The following TRPM5 variants were observed in gnomAD, a reference collection of about 807,000 sequenced individuals.
The protein encoded by TRPM5 is MLSN1 and TRP-related.
Under a neutral mutation model 124.9 loss-of-function variants are expected in TRPM5, and 121 were observed. That is an observed-to-expected ratio of 0.97 (90% CI 0.84 to 1.13). The LOEUF (loss-of-function observed/expected upper bound fraction) is 1.13. Among genes scored for constraint, TRPM5 ranks in the 50% most tolerant of loss-of-function variants. The pLI is 0.00. For missense variants in TRPM5, 1,643 were observed against 1,589.1 expected, an observed-to-expected ratio of 1.03 and a Z score of -0.58; for synonymous variants, 781 against 700.5, an observed-to-expected ratio of 1.11 and a Z score of -1.81.
chr11:2,439,499 G>A, the TRPM5 span, among the ~76,000 whole-genome samples: 28,640 of 152,016 alleles, frequency 0.19, 3,643 homozygotes, highest in African/African-American at 0.34. Context: ...AAATAACCCC[G>A]TAAAAATTGC....
intron 15 of TRPM5, 121 bp from the exon 21 acceptor site, chr11:2,412,374 A>G (rs2133512755): frequency 3.4e-4 from 189 of 549,686 alleles, no homozygotes; most frequent in Non-Finnish European, 4.8e-4. Context: ...GGCCGAGGCT[A>G]CCAGTGGGAC....
chr11:2,441,783 G>A, the TRPM5 span, among the ~76,000 whole-genome samples: 10 of 151,990 alleles, frequency 6.6e-5, no homozygotes, highest in South Asian at 2.1e-4. The surrounding 1 kb of genome is among the most constrained non-coding windows in gnomAD (Gnocchi z 7.2). Context: ...TCTGCCTCCC[G>A]GGTCCAAGTG....
intron 4 of TRPM5, among the ~76,000 whole-genome samples, chr11:2,419,448 GAAA>G (rs57385993): frequency 2.9e-5 from 4 of 137,434 alleles, no homozygotes; most frequent in Non-Finnish European, 4.7e-5. Flanking sequence ...TCTCTACTGG[GAAA>G]AAAAAAAAAA....
At chr11:2,404,737 CT>C (rs1850277860) in exon 24 of TRPM5, 2 of 564,954 alleles carry the variant, frequency 3.5e-6, no homozygotes, top group Non-Finnish European at 6.3e-6. Context: ...CATGACACTG[CT>C]GTGCCTCCGG....
chr11:2,405,559 G>C lies in TRPM5; in HGVS notation c.3359C>G (p.Ala1120Gly). 2.6e-6 allele frequency: 4 copies of C among 1,566,194 alleles called. No homozygotes were observed. The South Asian group carries it at 4.7e-5, about 18-fold the overall frequency. Residue 1120 changes from alanine to glycine, a missense_variant, in exon 23 of 24, where the codon GCT becomes GGT. Ala to Gly is a moderately conservative substitution (Grantham distance 60). Transcript: ENST00000155858. The stretch of plus-strand genomic sequence containing the variant: ...GCCGCCACCCTGGGCCAGCACGTCA[G>C]CCACGGAGGACACGAGCACCGAGCA...
At position 2,418,373 on chromosome 11, in the gene TRPM5, G is replaced by A. The variant is rs1007654168; in HGVS notation, c.715-15C>T. 4 of 1,542,698 alleles carry A rather than the reference G, an allele frequency of 2.6e-6. No individual in the cohort carries two copies. The highest frequency in any genetic ancestry group is 1.7e-4 in the Middle Eastern group (1 of 5,744). ...CTGGAGATCCTCTGAGACGGGGAGG[G>A]AGGGGAGAGCGGACCCCAGATTAGC... On this transcript the variant is annotated splice_polypyrimidine_tract_variant and intron_variant, in intron 5 of 23. Transcript: ENST00000155858.
At chr11:2,420,945 T>G in intron 3 of TRPM5, 87 bp downstream of exon 8, 1 of 1,389,484 alleles carries the variant, frequency 7.2e-7, no homozygotes, top group Non-Finnish European at 9.5e-7. Flanking sequence ...AGTCCTGTCC[T>G]CCCAGAGCTC....
At position 2,411,852 on chromosome 11, in the gene TRPM5, C is replaced by T. The variant is rs144101059; in HGVS notation, c.2475-85G>A. The T allele has an allele frequency of 4.6e-4, 701 of 1,526,640 alleles. 6 individuals are homozygous for T. The African/African-American group carries it at 8.6e-3, about 19-fold the overall frequency. The allele number at this position is 1,526,640 out of a possible 1,614,324, so 94.6% of individuals were successfully genotyped here. On this transcript the variant is annotated intron_variant, in intron 16 of 23. Coordinates refer to ENST00000155858, the Ensembl canonical transcript of TRPM5. ...GGGCACACAGCATGCTGGCTGCGGG[C>T]AGGGCCAGGGCCAGGCCAGGACTCC...
exon 24 of TRPM5, chr11:2,404,718 A>G: frequency 1.9e-6 from 1 of 539,080 alleles, no homozygotes; most frequent in Non-Finnish European, 3.3e-6. Context: ...CTGTCAGGGG[A>G]GACAGCCCCA....
At chr11:2,410,602 C>A (rs1225292482) in intron 18 of TRPM5, 1 of 438,094 alleles carries the variant, frequency 2.3e-6, no homozygotes, top group Non-Finnish European at 4.6e-6. Flanking sequence ...TGCCCCACCC[C>A]AGAGCTCCCC....
chr11:2,404,883 G>A lies in TRPM5; in HGVS notation c.*54C>T, dbSNP rs543766294. 1.1e-4 allele frequency: 157 copies of A among 1,494,498 alleles called. No individual in the cohort carries two copies. In the East Asian group the frequency reaches 2.2e-3, roughly 20 times the overall value. The allele number at this position is 1,494,498 out of a possible 1,614,324, so 92.6% of individuals were successfully genotyped here. Reference sequence around the variant, plus strand: ...AGGTCGGCAAAGGTCAGTGCACAACGTGCAGGGTGGCCAGCTGAGGAGAGG... The same window carrying A: ...AGGTCGGCAAAGGTCAGTGCACAACATGCAGGGTGGCCAGCTGAGGAGAGG... On this transcript the variant is annotated 3_prime_UTR_variant, in exon 24 of 24. Coordinates refer to ENST00000155858, the Ensembl canonical transcript of TRPM5.
exon 9 of TRPM5, chr11:2,415,217 G>A (rs1327737225): frequency 1.9e-6 from 3 of 1,578,138 alleles, no homozygotes; most frequent in African/African-American, 2.7e-5. Context: ...CGTGCAGGGA[G>A]AAGGCCGGTG....
chr11:2,410,059 G>A (rs959547702), intron 18 of TRPM5, among the ~76,000 whole-genome samples: 18 of 152,320 alleles, frequency 1.2e-4, no homozygotes, highest in South Asian at 1.0e-3. Context: ...GGGGCCCTGC[G>A]GACGGGCAGT....
In TRPM5 at chr11:2,406,589, A is replaced by G. The variant is rs544431515; in HGVS notation, c.3251+72T>C. Reference sequence around the variant, plus strand: ...AGTTCGCCAGCTCAGATCCTCTGTCACTGGCGCCAATGGCACATCCCCGCT... The same window carrying G: ...AGTTCGCCAGCTCAGATCCTCTGTCGCTGGCGCCAATGGCACATCCCCGCT... On this transcript the variant is annotated intron_variant, in intron 21 of 23. Coordinates refer to ENST00000155858, the Ensembl canonical transcript of TRPM5. The G allele has an allele frequency of 1.8e-5, 28 of 1,521,366 alleles. No homozygotes were observed. In the African/African-American group the frequency reaches 2.6e-4, roughly 14 times the overall value. 94.2% of individuals were successfully genotyped at this position (1,521,366 alleles called of 1,614,324 possible).
chr11:2,415,264 G>A (rs1445844212), exon 9 of TRPM5: 1 of 1,571,380 alleles, frequency 6.4e-7, no homozygotes. Context: ...TGGGTGCCCA[G>A]GCCGGCCAGC....
intron 13 of TRPM5, 48 bp downstream of exon 18, chr11:2,413,428 C>T (rs1850495078): frequency 3.9e-6 from 6 of 1,535,418 alleles, no homozygotes; most frequent in Non-Finnish European, 5.3e-6. Flanking sequence ...AGCTCCGGCA[C>T]TCGCACTGCT....
chr11:2,437,308 T>G, the TRPM5 span, among the ~76,000 whole-genome samples: 3 of 152,168 alleles, frequency 2.0e-5, no homozygotes, highest in Non-Finnish European at 4.4e-5. This position sits in a 1 kb window ranked among gnomAD's most constrained non-coding sequence, Gnocchi z 5.6. Flanking sequence ...AGACAGGTCA[T>G]GACACACCCA....
Position 2,406,805 on chromosome 11 carries a change from A to G in TRPM5, c.3119-12T>C. 6.2e-7 allele frequency: 1 copy of G among 1,607,830 alleles called. No homozygotes were observed. Among genetic ancestry groups the G allele is most frequent in the South Asian group, 1.1e-5 (1 of 90,384 alleles). On this transcript the variant is annotated splice_polypyrimidine_tract_variant and intron_variant, in intron 20 of 23. Transcript: ENST00000155858. ...TGGCAGGTCTCTCTCTGGGAAAGCC[A>G]GGTGGCAGCCAGCATTACTAGAGCA...
the TRPM5 span, among the ~76,000 whole-genome samples, chr11:2,444,156 C>A: frequency 6.6e-6 from 1 of 151,888 alleles, no homozygotes; most frequent in Non-Finnish European, 1.5e-5. Context: ...CTGGGAGGTA[C>A]CTGACAGTGG....
Sources: allele counts gnomAD v4.1 joint callset (sites outside exome capture counted in the v4.1 genomes callset), GRCh38; gene constraint gnomAD v4.1.1; non-coding constraint Gnocchi (gnomAD v3.1); transcripts MANE v1.5; gene names NCBI Gene and HGNC (gene_info 2026-07-23, HGNC 2026-07-21).